The following SHISA6 variants were observed in gnomAD, a reference collection of about 807,000 sequenced individuals.
The protein encoded by SHISA6 is shisa family member 6.
Under a neutral mutation model 47.9 loss-of-function variants are expected in SHISA6, and 22 were observed. The observed-to-expected ratio is 0.46, with a 90% confidence interval of 0.33 to 0.66. The LOEUF is 0.66. Ranked by LOEUF, SHISA6 falls within the 30% of genes least tolerant of loss-of-function variation. SHISA6 has a pLI of 0.02. For synonymous variants in SHISA6, 388 were observed against 337.8 expected (o/e 1.15, Z -1.63); for missense variants, 680 against 764.6 (o/e 0.89, Z 1.30).
chr17:11,428,607 A>G (rs1191389643), intron 3 of SHISA6, among the ~76,000 whole-genome samples: 1 of 152,098 alleles, frequency 6.6e-6, no homozygotes, highest in African/African-American at 2.4e-5. Context: ...AATTATTTCA[A>G]AACTTGGTGG....
At chr17:11,499,392 T>A (rs1214539651) in intron 3 of SHISA6, among the ~76,000 whole-genome samples, 1 of 151,716 alleles carries the variant, frequency 6.6e-6, no homozygotes. Flanking sequence ...CACCTCTTCA[T>A]GGAACCTCAC....
chr17:11,423,008 A>AC (rs1914492186), intron 3 of SHISA6, among the ~76,000 whole-genome samples: 1 of 150,808 alleles, frequency 6.6e-6, no homozygotes, highest in Non-Finnish European at 1.5e-5. Context: ...GAAAAAAAAA[A>AC]CAGAGGGAAT....
At chr17:11,281,399 G>A (rs997099330) in intron 2 of SHISA6, among the ~76,000 whole-genome samples, 2 of 152,158 alleles carry the variant, frequency 1.3e-5, no homozygotes, top group African/African-American at 2.4e-5. Context: ...TTTTGTATCT[G>A]TTGAGATGAT....
chr17:11,315,677 T>C (rs190470943), intron 2 of SHISA6, among the ~76,000 whole-genome samples: 1 of 152,322 alleles, frequency 6.6e-6, no homozygotes, highest in East Asian at 1.9e-4. Context: ...TCATGAATTA[T>C]ATAACATATT....
chr17:11,325,058 C>T (rs1910832100), intron 2 of SHISA6, among the ~76,000 whole-genome samples: 1 of 152,160 alleles, frequency 6.6e-6, no homozygotes. Context: ...GGTCAAATAT[C>T]TGTGAAAATC....
chr17:11,473,152 T>G (rs1430740958), intron 3 of SHISA6, among the ~76,000 whole-genome samples: 1 of 151,952 alleles, frequency 6.6e-6, no homozygotes, highest in Non-Finnish European at 1.5e-5. Context: ...CAGAGCAGAG[T>G]TTTTCATTTC....
chr17:11,511,442 T>C (rs1437175238), intron 3 of SHISA6, among the ~76,000 whole-genome samples: 1 of 152,046 alleles, frequency 6.6e-6, no homozygotes, highest in Non-Finnish European at 1.5e-5. Flanking sequence ...TCCCAGAACT[T>C]AAAGTAAATT....
chr17:11,532,004 C>T (rs1363554644), intron 3 of SHISA6, among the ~76,000 whole-genome samples: 15 of 152,014 alleles, frequency 9.9e-5, no homozygotes, highest in Admixed American at 9.8e-4. Flanking sequence ...AATAAAATGC[C>T]TCATGAAATC....
chr17:11,378,942 G>A (rs1912909366), intron 2 of SHISA6, among the ~76,000 whole-genome samples: 1 of 152,024 alleles, frequency 6.6e-6, no homozygotes, highest in Admixed American at 6.6e-5. Flanking sequence ...GTGAGATAAA[G>A]GAAAGAGTGG....
At chr17:11,298,809 A>C (rs1319021855) in intron 2 of SHISA6, among the ~76,000 whole-genome samples, 1 of 152,224 alleles carries the variant, frequency 6.6e-6, no homozygotes, top group Non-Finnish European at 1.5e-5. Flanking sequence ...CACTGTCAGC[A>C]GCTAGCTCAA....
At chr17:11,303,533 G>A (rs546023409) in intron 2 of SHISA6, among the ~76,000 whole-genome samples, 77 of 152,268 alleles carry the variant, frequency 5.1e-4, no homozygotes, top group Non-Finnish European at 4.6e-4. Context: ...TTGTGTGGTT[G>A]TGTGTATGTG....
intron 3 of SHISA6, among the ~76,000 whole-genome samples, chr17:11,461,223 C>T (rs1026120857): frequency 1.2e-4 from 18 of 152,066 alleles, no homozygotes; most frequent in African/African-American, 3.6e-4. Context: ...CAGTGAAACG[C>T]TGTCTCTACT....
At chr17:11,376,734 G>A (rs1001137863) in intron 2 of SHISA6, among the ~76,000 whole-genome samples, 8 of 152,182 alleles carry the variant, frequency 5.3e-5, no homozygotes, top group Non-Finnish European at 8.8e-5. Flanking sequence ...CCTGGGTCCA[G>A]CAGAAGACTG....
chr17:11,500,865 G>T (rs770666352), intron 3 of SHISA6, among the ~76,000 whole-genome samples: 7 of 152,182 alleles, frequency 4.6e-5, no homozygotes, highest in Non-Finnish European at 5.9e-5. Flanking sequence ...TGGAAGGCAA[G>T]GCAGAAAGGT....
At chr17:11,464,695 C>A (rs1400695222) in intron 3 of SHISA6, among the ~76,000 whole-genome samples, 1 of 152,196 alleles carries the variant, frequency 6.6e-6, no homozygotes, top group East Asian at 1.9e-4. Context: ...GTAATCCCAG[C>A]ACTTTGGGAG....
At chr17:11,395,513 CTTTTTT>C (rs886287303) in intron 3 of SHISA6, among the ~76,000 whole-genome samples, 1 of 117,410 alleles carries the variant, frequency 8.5e-6, no homozygotes, top group Admixed American at 8.4e-5. Context: ...GGCAGTTTTA[CTTTTTT>C]TTTTTTTTTT....
chr17:11,412,851 T>C (rs1350031334), intron 3 of SHISA6, among the ~76,000 whole-genome samples: 2 of 152,168 alleles, frequency 1.3e-5, no homozygotes, highest in East Asian at 3.8e-4. Flanking sequence ...GCTGGCAGGC[T>C]TCCAAGGAAC....
chr17:11,365,247 C>G (rs1402437770), intron 2 of SHISA6, among the ~76,000 whole-genome samples: 1 of 151,944 alleles, frequency 6.6e-6, no homozygotes, highest in Non-Finnish European at 1.5e-5. Flanking sequence ...TAAGGTTGTC[C>G]TACATATAAG....
intron 2 of SHISA6, among the ~76,000 whole-genome samples, chr17:11,366,031 A>G (rs1260709242): frequency 1.3e-5 from 2 of 152,374 alleles, no homozygotes; most frequent in East Asian, 3.9e-4. Flanking sequence ...TAAGCTGGGA[A>G]TGCTAGAAAA....
Sources: allele counts gnomAD v4.1 joint callset (sites outside exome capture counted in the v4.1 genomes callset), GRCh38; gene constraint gnomAD v4.1.1; transcripts MANE v1.5; gene names NCBI Gene and HGNC (gene_info 2026-07-23, HGNC 2026-07-21).